CMYA5: variants seen among roughly 807,000 people sequenced by gnomAD.
CMYA5 encodes the protein cardiomyopathy associated 5.
Under a neutral mutation model 318.9 loss-of-function variants are expected in CMYA5, and 246 were observed. The ratio of observed to expected loss-of-function variants is 0.77; its 90% CI spans 0.70 to 0.86. The LOEUF is 0.86. Ranked by LOEUF, CMYA5 falls within the 40% of genes least tolerant of loss-of-function variation. The pLI is 0.00. For synonymous variants in CMYA5, 1,641 were observed against 1,729.5 expected (o/e 0.95, Z 1.27); for missense variants, 4,589 against 4,678.2 (o/e 0.98, Z 0.56).
chr5:79,706,460 C>T (rs1005168800), intron 1 of CMYA5, among the ~76,000 whole-genome samples: 8 of 152,152 alleles, frequency 5.3e-5, no homozygotes, highest in African/African-American at 1.7e-4. Flanking sequence ...AGAAACAGGA[C>T]GTGAAGCTAG....
Position 79,729,191 on chromosome 5 carries a change from A to G in CMYA5, c.426A>G (p.Ser142=). Residue 142 remains serine, a synonymous_variant, in exon 2 of 13, where the codon TCA becomes TCG. Transcript: ENST00000446378. The part of the protein sequence containing the change: ...RKRTHKSKHG[S]PSLRRKGNRK... ...GGACTCATAAGTCAAAGCATGGTTC[A>G]CCATCATTACGCCGGAAAGGCAACA... 1 of 1,613,134 alleles carries G rather than the reference A, an allele frequency of 6.2e-7. No homozygotes were observed. The highest frequency in any genetic ancestry group is 8.5e-7 in the Non-Finnish European group (1 of 1,179,708).
intron 9 of CMYA5, among the ~76,000 whole-genome samples, chr5:79,775,554 GAA>G (rs1341320446): frequency 6.6e-6 from 1 of 151,866 alleles, no homozygotes; most frequent in Non-Finnish European, 1.5e-5. Flanking sequence ...ACAGCAAGAG[GAA>G]AAAAAGAGAT....
rs1251547042 is a variant in CMYA5 at position 79,737,781 on chromosome 5, A to G, written c.9016A>G (p.Ser3006Gly). 1.1e-5 allele frequency: 17 copies of G among 1,611,816 alleles called. No homozygotes were observed. The highest frequency in any genetic ancestry group is 1.4e-5 in the Non-Finnish European group (16 of 1,179,402). The change falls in exon 2 of 13, where the codon AGC (serine) becomes GGC (glycine). Residue 3006 changes from serine to glycine, a missense_variant. Transcript: ENST00000446378. ...AGTTGCTTGTCATAAAACATTAAAG[A>G]GCAGGTTAGAAGATGAAAAAGTTAC... is the stretch of plus-strand genomic sequence containing the variant. ...ETVACHKTLK[S>G]RLEDEKVTPL... is the part of the protein sequence containing the mutation.
rs764397168 is a variant in CMYA5 at position 79,729,429 on chromosome 5, A to G, written c.664A>G (p.Ile222Val). 1.2e-6 allele frequency: 2 copies of G among 1,613,752 alleles called. No individual in the cohort carries two copies. The highest frequency in any genetic ancestry group is 1.7e-4 in the Middle Eastern group (1 of 6,058). The change falls in exon 2 of 13, where the codon ATA (isoleucine) becomes GTA (valine). Residue 222 changes from isoleucine to valine, a missense_variant. Coordinates refer to ENST00000446378, the MANE Select transcript of CMYA5 (RefSeq NM_153610.5). Reference sequence around the variant, plus strand: ...GCCATTAGTGTTAAGACCAGTCTACATAGGAACAGTACAATATAAAATTAA... The same window carrying G: ...GCCATTAGTGTTAAGACCAGTCTACGTAGGAACAGTACAATATAAAATTAA... Reference protein sequence around the residue: ...HKPLVLRPVYIGTVQYKIKMF... With the variant: ...HKPLVLRPVYVGTVQYKIKMF...
chr5:79,738,805 A>G lies in CMYA5; in HGVS notation c.10040A>G (p.His3347Arg). 1 of 1,613,904 alleles carries G rather than the reference A, an allele frequency of 6.2e-7. No homozygotes were observed. Among genetic ancestry groups the G allele is most frequent in the Non-Finnish European group, 8.5e-7 (1 of 1,179,848 alleles). ...SYAVPFEDTH[H>R]VLERADEAGS... is the part of the protein sequence containing the mutation. The stretch of plus-strand genomic sequence containing the variant: ...GCGGTTCCATTTGAAGACACCCATC[A>G]TGTTCTGGAGCGTGCAGATGAAGCA... Residue 3347 changes from histidine (H) to arginine (R), a missense_variant, in exon 2 of 13, where the codon CAT becomes CGT. Physicochemically the swap from His to Arg is conservative, Grantham distance 29. Around this residue, in one of 3 missense-constraint regions of CMYA5, gnomAD observed 2,431 missense variants for 2,495.1 expected, o/e 0.97. Coordinates refer to ENST00000446378, the MANE Select transcript of CMYA5 (RefSeq NM_153610.5).
chr5:79,698,147 C>T (rs6878878), intron 1 of CMYA5, among the ~76,000 whole-genome samples: 17,879 of 152,022 alleles, frequency 0.12, 1,529 homozygotes, highest in Admixed American at 0.26. Flanking sequence ...TGAAGTTTTT[C>T]TGTTTATTTA....
intron 12 of CMYA5, among the ~76,000 whole-genome samples, chr5:79,797,927 G>C (rs1052944234): frequency 6.6e-6 from 1 of 152,100 alleles, no homozygotes; most frequent in Non-Finnish European, 1.5e-5. Flanking sequence ...CTTTCTGGCT[G>C]AGTGTGAGCC....
chr5:79,729,218 A>G lies in CMYA5; in HGVS notation c.453A>G (p.Arg151=), dbSNP rs371426208. 1.1e-5 allele frequency: 18 copies of G among 1,612,858 alleles called. No homozygotes were observed. In the East Asian group the frequency reaches 3.1e-4, roughly 28 times the overall value. ...GSPSLRRKGN[R]KRNSFESQDV... Reference sequence around the variant, plus strand: ...CATCATTACGCCGGAAAGGCAACAGAAAAAGAAATTCTTTTGAATCCCAAG... The same window carrying G: ...CATCATTACGCCGGAAAGGCAACAGGAAAAGAAATTCTTTTGAATCCCAAG... The change falls in exon 2 of 13, where the codon AGA becomes AGG. Residue 151 remains arginine, a synonymous_variant. Transcript: ENST00000446378.
At chr5:79,785,917 C>T (rs1395470761) in intron 9 of CMYA5, among the ~76,000 whole-genome samples, 3 of 152,114 alleles carry the variant, frequency 2.0e-5, no homozygotes, top group African/African-American at 7.2e-5. Flanking sequence ...TGCTCCTTGC[C>T]AAAACTCAAG....
intron 12 of CMYA5, 48 bp from the exon 13 acceptor site, chr5:79,799,322 T>G (rs3749683): frequency 0.077 from 119,061 of 1,550,892 alleles, 4,970 homozygotes; most frequent in African/African-American, 0.14. Context: ...CTTTTCAAAT[T>G]CCTTGAGATT....
At position 79,735,175 on chromosome 5, in the gene CMYA5, C is replaced by T. The variant is rs1416338967; in HGVS notation, c.6410C>T (p.Ser2137Leu). Reference protein sequence around the residue: ...KIPTQRKPISSIHAREPQSPE... With the variant: ...KIPTQRKPISLIHAREPQSPE... ...CCCACACAAAGAAAACCCATCTCCT[C>T]AATCCATGCAAGAGAGCCTCAATCC... Residue 2137 changes from serine to leucine, a missense_variant, in exon 2 of 13, where the codon TCA (serine) becomes TTA (leucine). By Grantham distance (145) the Ser-to-Leu change is moderately radical (BLOSUM62 -2). This residue lies in a region of CMYA5 where 2,431 missense variants were observed against 2,495.1 expected (regional missense o/e 0.97). Coordinates refer to ENST00000446378, the MANE Select transcript of CMYA5 (RefSeq NM_153610.5). 4 of 1,613,640 alleles carry T rather than the reference C, an allele frequency of 2.5e-6. No homozygotes were observed. The highest frequency in any genetic ancestry group is 2.2e-5 in the East Asian group (1 of 44,876).
intron 1 of CMYA5, among the ~76,000 whole-genome samples, chr5:79,725,756 T>C (rs1827735053): frequency 6.6e-6 from 1 of 152,072 alleles, no homozygotes; most frequent in Non-Finnish European, 1.5e-5. Flanking sequence ...TACAAAAAAT[T>C]AGCCGGGCGT....
chr5:79,791,006 C>A lies in CMYA5; in HGVS notation c.11726C>A (p.Pro3909His). The A allele has an allele frequency of 6.2e-7, 1 of 1,613,734 alleles. No individual in the cohort carries two copies. ...CTCTTGTTGAGAGAAACAGCTCATCCTGCTCTACACATTTCCTCAAGTGGG... is the reference window on the plus strand; with the variant it reads ...CTCTTGTTGAGAGAAACAGCTCATCATGCTCTACACATTTCCTCAAGTGGG... ...RFLLLRETAH[P>H]ALHISSSGTV... Residue 3909 changes from proline to histidine, a missense_variant, in exon 11 of 13, where the codon CCT becomes CAT. By Grantham distance (77) the Pro-to-His change is moderately conservative. This residue lies in a region of CMYA5 where 2,431 missense variants were observed against 2,495.1 expected (regional missense o/e 0.97). Coordinates refer to ENST00000446378, the MANE Select transcript of CMYA5 (RefSeq NM_153610.5).
At chr5:79,786,420 A>G (rs975753650) in intron 9 of CMYA5, among the ~76,000 whole-genome samples, 2 of 152,238 alleles carry the variant, frequency 1.3e-5, no homozygotes, top group African/African-American at 4.8e-5. Flanking sequence ...ACTTCCAATC[A>G]TAGTCACATC....
intron 4 of CMYA5, 53 bp from the exon 5 acceptor site, chr5:79,747,036 TTC>T (rs1308292075): frequency 1.6e-5 from 17 of 1,057,342 alleles, no homozygotes; most frequent in East Asian, 5.2e-5. Context: ...CTCTCTCTCT[TTC>T]TCTCTCTCTT....
intron 1 of CMYA5, among the ~76,000 whole-genome samples, chr5:79,708,035 A>G (rs1017657546): frequency 3.3e-5 from 5 of 152,174 alleles, no homozygotes; most frequent in African/African-American, 4.8e-5. Flanking sequence ...CTCCATCCTC[A>G]TGACTTAATC....
At chr5:79,759,424 T>C (rs1828603137) in intron 7 of CMYA5, among the ~76,000 whole-genome samples, 1 of 152,250 alleles carries the variant, frequency 6.6e-6, no homozygotes, top group South Asian at 2.1e-4. Flanking sequence ...ACAAGATTCA[T>C]TCAGTGTTCA....
chr5:79,722,475 G>A (rs973510387), intron 1 of CMYA5, among the ~76,000 whole-genome samples: 1 of 151,974 alleles, frequency 6.6e-6, no homozygotes, highest in Non-Finnish European at 1.5e-5. Context: ...TCAGGAGTTC[G>A]AGACCAGCCT....
Position 79,739,228 on chromosome 5 carries a change from A to T in CMYA5, c.10463A>T (p.Glu3488Val). Residue 3488 changes from glutamate (E) to valine (V), a missense_variant, in exon 2 of 13, where the codon GAA becomes GTA. Glu to Val is a moderately radical substitution (Grantham distance 121). This residue lies in a region of CMYA5 where 2,431 missense variants were observed against 2,495.1 expected (regional missense o/e 0.97). Transcript: ENST00000446378. ...GAGTTGGGCAGCGAGAGGAAAGAAG[A>T]AGACCAATTATCATCTGAGGTAGTA... is the stretch of plus-strand genomic sequence containing the variant. ...QKELGSERKE[E>V]DQLSSEVVTE... The T allele has an allele frequency of 6.2e-7, 1 of 1,613,162 alleles. No individual in the cohort carries two copies. The highest frequency in any genetic ancestry group is 8.5e-7 in the Non-Finnish European group (1 of 1,179,584).
Sources: gnomAD v4.1 joint callset for allele counts (sites outside exome capture counted in the v4.1 genomes callset) on GRCh38, gnomAD v4.1.1 for gene constraint, gnomAD v4.1.1 regional missense constraint, MANE v1.5 for transcripts, NCBI Gene and HGNC (gene_info 2026-07-23, HGNC 2026-07-21) for gene names.